Variants in TBCK observed in about 807,000 individuals in gnomAD.
TBCK encodes TBC1 domain containing kinase.
In TBCK, 99 loss-of-function variants were observed where a neutral mutation model predicts 113.4. The ratio of observed to expected loss-of-function variants is 0.87; its 90% CI spans 0.74 to 1.03. The LOEUF (loss-of-function observed/expected upper bound fraction) is 1.03, where lower values mean the gene tolerates loss of function less well. Ranked by LOEUF, TBCK falls within the 50% of genes least tolerant of loss-of-function variation. The probability of loss-of-function intolerance (pLI) is 0.00; values close to 1 mark genes in which losing one functional copy is unlikely to be tolerated. For synonymous variants in TBCK, 369 were observed against 370.8 expected (o/e 1.00, Z 0.05); for missense variants, 1,045 against 1,061.3 (o/e 0.98, Z 0.21).
At chr4:106,303,747 A>T (rs183292713) in intron 2 of TBCK, among the ~76,000 whole-genome samples, 1 of 152,156 alleles carries the variant, frequency 6.6e-6, no homozygotes, top group Non-Finnish European at 1.5e-5. Context: ...TCCACAACTG[A>T]TATCAACCAA....
intron 23 of TBCK, among the ~76,000 whole-genome samples, chr4:106,157,159 G>T (rs1251859597): frequency 6.6e-6 from 1 of 152,116 alleles, no homozygotes; most frequent in Non-Finnish European, 1.5e-5. Context: ...TCCTGGAAAG[G>T]GGGATTCATG....
chr4:106,201,202 A>G (rs949500661), intron 20 of TBCK, among the ~76,000 whole-genome samples: 1 of 152,028 alleles, frequency 6.6e-6, no homozygotes, highest in African/African-American at 2.4e-5. Context: ...AGGATAATTA[A>G]GATTAATAAA....
chr4:106,296,057 A>G (rs1042310418), intron 2 of TBCK, among the ~76,000 whole-genome samples: 1 of 152,208 alleles, frequency 6.6e-6, no homozygotes, highest in Non-Finnish European at 1.5e-5. Context: ...AGACATGATC[A>G]ACATTAATGA....
At chr4:106,203,311 A>T (rs1204605826) in intron 20 of TBCK, among the ~76,000 whole-genome samples, 1 of 150,724 alleles carries the variant, frequency 6.6e-6, no homozygotes, top group Admixed American at 6.6e-5. Flanking sequence ...TATACTTTCA[A>T]AATAAGGAAT....
intron 24 of TBCK, among the ~76,000 whole-genome samples, chr4:106,114,347 T>C (rs756408308): frequency 6.6e-6 from 1 of 152,212 alleles, no homozygotes; most frequent in Non-Finnish European, 1.5e-5. Flanking sequence ...AGCAAAGAGA[T>C]ATAAAGGAAT....
At chr4:106,129,115 C>T (rs1448832482) in intron 23 of TBCK, among the ~76,000 whole-genome samples, 1 of 152,120 alleles carries the variant, frequency 6.6e-6, no homozygotes, top group Admixed American at 6.6e-5. Context: ...TTACATAATA[C>T]AGAAAAATGA....
At chr4:106,248,787 T>A (rs1295366534) in intron 8 of TBCK, 134 bp downstream of exon 8, 2 of 658,280 alleles carry the variant, frequency 3.0e-6, no homozygotes, top group African/African-American at 1.9e-5. Context: ...CGACCAAACG[T>A]ACTGGTGCCT....
At chr4:106,160,572 T>C (rs1749650729) in intron 23 of TBCK, among the ~76,000 whole-genome samples, 1 of 151,544 alleles carries the variant, frequency 6.6e-6, no homozygotes, top group Admixed American at 6.6e-5. Context: ...ACATTTATTA[T>C]TCAAAAAAAA....
chr4:106,163,025 C>T (rs956853715), intron 23 of TBCK, among the ~76,000 whole-genome samples: 4 of 152,048 alleles, frequency 2.6e-5, no homozygotes, highest in Non-Finnish European at 5.9e-5. Context: ...TTATGGTCTG[C>T]TTCCTCTTGG....
At chr4:106,246,049 C>T (rs919058625) in intron 10 of TBCK, among the ~76,000 whole-genome samples, 1 of 152,266 alleles carries the variant, frequency 6.6e-6, no homozygotes, top group East Asian at 1.9e-4. Context: ...CATGGGGAGG[C>T]AACCAACACA....
At chr4:106,232,402 TATAAC>T (rs1446182278) in intron 17 of TBCK, among the ~76,000 whole-genome samples, 1 of 151,214 alleles carries the variant, frequency 6.6e-6, no homozygotes, top group Non-Finnish European at 1.5e-5. Context: ...AGTAGCCACT[TATAAC>T]AACACATTCA....
chr4:106,062,071 G>C (rs1736117755), intron 25 of TBCK, among the ~76,000 whole-genome samples: 1 of 151,656 alleles, frequency 6.6e-6, no homozygotes, highest in African/African-American at 2.4e-5. Context: ...AGGTTAAAAA[G>C]TTTTCTTTTA....
At chr4:106,167,850 C>A (rs1443022865) in intron 23 of TBCK, among the ~76,000 whole-genome samples, 1 of 151,648 alleles carries the variant, frequency 6.6e-6, no homozygotes, top group Non-Finnish European at 1.5e-5. Flanking sequence ...TAAAGAAATT[C>A]AATCAATAAT....
rs766199510 is a variant in TBCK, at chr4:106,251,851, T to A, written c.597+15A>T. Reference sequence around the variant, plus strand: ...ACAATTTCCTTTTATTATATTAATATTTCTTTATACATACCACACAAAGCT... The same window carrying A: ...ACAATTTCCTTTTATTATATTAATAATTCTTTATACATACCACACAAAGCT... On this transcript the variant is annotated intron_variant, in intron 6 of 25. Transcript: ENST00000394708. 1 of 1,506,282 alleles carries A rather than the reference T, an allele frequency of 6.6e-7. No homozygotes were observed. 93.3% of individuals were successfully genotyped at this position (1,506,282 alleles called of 1,614,324 possible).
chr4:106,272,328 C>G (rs545358764), intron 3 of TBCK, among the ~76,000 whole-genome samples: 1 of 151,952 alleles, frequency 6.6e-6, no homozygotes, highest in Non-Finnish European at 1.5e-5. Flanking sequence ...GTGCTACATA[C>G]GTTTCTTAAT....
At chr4:106,255,069 AT>A in intron 5 of TBCK, 1 of 331,944 alleles carries the variant, frequency 3.0e-6, no homozygotes, top group South Asian at 2.4e-5. Context: ...TTGAAAATAG[AT>A]AAGATATAAA....
chr4:106,091,960 G>A (rs1280790657), intron 25 of TBCK, among the ~76,000 whole-genome samples: 1 of 152,160 alleles, frequency 6.6e-6, no homozygotes, highest in Non-Finnish European at 1.5e-5. Flanking sequence ...CAATCCCTGA[G>A]CTAGACACAA....
intron 19 of TBCK, among the ~76,000 whole-genome samples, chr4:106,220,612 T>TAA (rs201022020): frequency 6.8e-6 from 1 of 146,968 alleles, no homozygotes; most frequent in African/African-American, 2.5e-5. Context: ...ATGCTGGATT[T>TAA]AAAAAAAAAA....
rs1754021504 is a variant in TBCK at position 106,194,699 on chromosome 4, CG to C, written c.1897+18del. On this transcript the variant is annotated intron_variant, in intron 21 of 25. Transcript: ENST00000394708. ...TTTGCTAATACAATATCAAAAAAAC[CG>C]GGGGAAGTCATACTTACGAGTAAAC... is the stretch of plus-strand genomic sequence containing the variant. 2.5e-6 allele frequency: 4 copies of C among 1,586,420 alleles called. No individual in the cohort carries two copies. Among genetic ancestry groups the C allele is most frequent in the Admixed American group, 3.7e-5 (2 of 54,470 alleles).
Sources: allele counts gnomAD v4.1 joint callset (sites outside exome capture counted in the v4.1 genomes callset), GRCh38; gene constraint gnomAD v4.1.1; transcripts MANE v1.5; gene names NCBI Gene and HGNC (gene_info 2026-07-23, HGNC 2026-07-21).